The following OR1A1 variants were observed in gnomAD, a reference collection of about 807,000 sequenced individuals.
OR1A1 encodes olfactory receptor 1A1.
For synonymous variants in OR1A1, 145 were observed against 147.8 expected (o/e 0.98, Z 0.13); for missense variants, 391 against 379.9 (o/e 1.03, Z -0.24).
rs1420875486 is a variant in OR1A1 at position 3,216,346 on chromosome 17, C to T, written c.726C>T (p.Ser242=). The change falls in exon 4 of 4, where the codon TCC becomes TCT. Residue 242 remains serine, a synonymous_variant. Transcript: ENST00000641732. ...GVLKAFSTCG[S]HLTVVSLYYG... is the part of the protein sequence containing the mutation. ...TCAAGGCCTTCTCCACCTGTGGTTC[C>T]CACCTCACGGTTGTCTCTTTGTATT... is the stretch of plus-strand genomic sequence containing the variant. The T allele has an allele frequency of 6.2e-7, 1 of 1,614,230 alleles. No individual in the cohort carries two copies. The highest frequency in any genetic ancestry group is 8.5e-7 in the Non-Finnish European group (1 of 1,180,050).
intron 3 of OR1A1, chr17:3,212,844 G>C (rs996032726): frequency 1.3e-5 from 2 of 152,348 alleles, no homozygotes; most frequent in African/African-American, 4.8e-5. Context: ...GAGGGTTCTT[G>C]GAGAAATGGG....
chr17:3,210,095 G>A (rs575400408), intron 2 of OR1A1, among the ~76,000 whole-genome samples: 1 of 151,822 alleles, frequency 6.6e-6, no homozygotes, highest in African/African-American at 2.4e-5. Context: ...CTATGCCTCC[G>A]TGGGTAGACC....
At position 3,216,356 on chromosome 17, in the gene OR1A1, G is replaced by T; in HGVS notation, c.736G>T (p.Val246Phe). The T allele has an allele frequency of 6.2e-7, 1 of 1,614,120 alleles. No individual in the cohort carries two copies. The highest frequency in any genetic ancestry group is 8.5e-7 in the Non-Finnish European group (1 of 1,180,032). ...CTCCACCTGTGGTTCCCACCTCACGGTTGTCTCTTTGTATTATGGTACAGT... is the reference window on the plus strand; with the variant it reads ...CTCCACCTGTGGTTCCCACCTCACGTTTGTCTCTTTGTATTATGGTACAGT... ...AFSTCGSHLT[V>F]VSLYYGTVMG... Residue 246 changes from valine to phenylalanine, a missense_variant, in exon 4 of 4, where the codon GTT (valine) becomes TTT (phenylalanine). Val to Phe is a conservative substitution (Grantham distance 50, BLOSUM62 -1). Transcript: ENST00000641732.
intron 2 of OR1A1, among the ~76,000 whole-genome samples, chr17:3,209,755 G>A (rs2048432467): frequency 6.6e-6 from 1 of 152,144 alleles, no homozygotes; most frequent in Admixed American, 6.5e-5. Flanking sequence ...GGGCAACAGA[G>A]TGAGACCTTG....
intron 2 of OR1A1, among the ~76,000 whole-genome samples, chr17:3,211,422 C>T (rs2048441205): frequency 6.6e-6 from 1 of 151,982 alleles, no homozygotes; most frequent in African/African-American, 2.4e-5. Context: ...GCAACCTCTG[C>T]CCCCGCAGTT....
rs1438276211 is a variant in OR1A1, at chr17:3,218,092, T to C, written c.*1542T>C. On this transcript the variant is annotated 3_prime_UTR_variant, in exon 4 of 4. Transcript: ENST00000641732. ...AATTTACAGGAAAAAAACCACCCCA[T>C]GAAAAAGTGGGCGAAGGATATGAAC... The C allele has an allele frequency of 1.3e-5, 2 of 151,768 alleles. No individual in the cohort carries two copies. Among genetic ancestry groups the C allele is most frequent in the Non-Finnish European group, 2.9e-5 (2 of 67,960 alleles). The allele number at this position is 151,768 out of a possible 1,614,324, so 9.4% of individuals were successfully genotyped here.
chr17:3,209,541 T>C (rs567437629), intron 2 of OR1A1, among the ~76,000 whole-genome samples: 64 of 152,320 alleles, frequency 4.2e-4, no homozygotes, highest in African/African-American at 1.4e-3. Flanking sequence ...CATATCTTTA[T>C]GGGGTAACAT....
rs1182689089 is a variant in OR1A1 at position 3,207,967 on chromosome 17, G to C, written c.-590G>C. ...TGTATCACAGCAACATCAAAGGGTAGACAGCCAGCAACTGTAGGCTACTTG... is the reference window on the plus strand; with the variant it reads ...TGTATCACAGCAACATCAAAGGGTACACAGCCAGCAACTGTAGGCTACTTG... On this transcript the variant is annotated 5_prime_UTR_variant, in exon 1 of 4. Coordinates refer to ENST00000641732, the MANE Select transcript of OR1A1 (RefSeq NM_014565.3). 1 of 152,262 alleles carries C rather than the reference G, an allele frequency of 6.6e-6. No homozygotes were observed. Among genetic ancestry groups the C allele is most frequent in the African/African-American group, 2.4e-5 (1 of 41,452 alleles). 9.4% of individuals were successfully genotyped at this position (152,262 alleles called of 1,614,324 possible). A position where few individuals can be genotyped will look rare whatever the true frequency, so the allele number is the denominator to read the frequency against.
At chr17:3,213,590 T>C (rs2048453168) in intron 3 of OR1A1, 1 of 152,262 alleles carries the variant, frequency 6.6e-6, no homozygotes, top group African/African-American at 2.4e-5. Context: ...AGTAAAGGTT[T>C]ATTTCTCTCC....
At chr17:3,211,587 C>T (rs955728799) in intron 2 of OR1A1, among the ~76,000 whole-genome samples, 5 of 152,148 alleles carry the variant, frequency 3.3e-5, no homozygotes, top group Admixed American at 6.5e-5. Flanking sequence ...CCGCCTGCTT[C>T]GGCCTCCCAA....
intron 3 of OR1A1, chr17:3,213,390 T>C (rs1331125872): frequency 6.6e-6 from 1 of 152,228 alleles, no homozygotes; most frequent in Non-Finnish European, 1.5e-5. Context: ...TAAAGATGAT[T>C]AGACCTACAT....
chr17:3,211,130 G>C lies in OR1A1; in HGVS notation c.-138-1337G>C, dbSNP rs144489518. On this transcript the variant is annotated intron_variant, in intron 2 of 3. Coordinates refer to ENST00000641732, the MANE Select transcript of OR1A1 (RefSeq NM_014565.3). The stretch of plus-strand genomic sequence containing the variant: ...CTTGCCTGTTTCTAAACCACCTCAT[G>C]TCACACACCACTTTCTAAGAAATGC... 9.2e-5 allele frequency among the ~76,000 whole-genome samples: 14 copies of C among 152,266 alleles called. No homozygotes were observed. In the East Asian group the frequency reaches 2.5e-3, roughly 27 times the overall value.
At chr17:3,213,280 G>T (rs35865038) in intron 3 of OR1A1, 1 of 151,966 alleles carries the variant, frequency 6.6e-6, no homozygotes, top group Non-Finnish European at 1.5e-5. Flanking sequence ...GTAATTTATT[G>T]GGCTGCTTTT....
At chr17:3,209,513 T>C (rs1373577730) in intron 2 of OR1A1, among the ~76,000 whole-genome samples, 1 of 152,198 alleles carries the variant, frequency 6.6e-6, no homozygotes, top group Non-Finnish European at 1.5e-5. Flanking sequence ...TGTGGGTACA[T>C]AGTACAATTC....
intron 3 of OR1A1, chr17:3,214,990 A>G (rs1283671513): frequency 6.6e-6 from 1 of 152,308 alleles, no homozygotes; most frequent in Non-Finnish European, 1.5e-5. Context: ...TGTGATTTAC[A>G]ATCTTCCGAC....
rs1312621102 is a variant in OR1A1, at chr17:3,216,818, T to A, written c.*268T>A. On this transcript the variant is annotated 3_prime_UTR_variant, in exon 4 of 4. Coordinates refer to ENST00000641732, the MANE Select transcript of OR1A1 (RefSeq NM_014565.3). ...TGAGCAGAGTCAAGTTGGGAAGATC[T>A]GAGCCTCAGCTTTCACATCTACATG... 5.7e-6 allele frequency: 2 copies of A among 351,826 alleles called. No individual in the cohort carries two copies. The highest frequency in any genetic ancestry group is 8.8e-5 in the East Asian group (2 of 22,694). The allele number at this position is 351,826 out of a possible 1,614,324, so 21.8% of individuals were successfully genotyped here.
chr17:3,213,598 T>G (rs769183501), intron 3 of OR1A1: 1 of 152,252 alleles, frequency 6.6e-6, no homozygotes. Flanking sequence ...TTTATTTCTC[T>G]CCTACATAAT....
chr17:3,213,864 A>G (rs2048454205), intron 3 of OR1A1: 1 of 152,270 alleles, frequency 6.6e-6, no homozygotes, highest in African/African-American at 2.4e-5. Flanking sequence ...CAAGAAGAAG[A>G]GAACAACACG....
chr17:3,211,386 G>C (rs1285089543), intron 2 of OR1A1, among the ~76,000 whole-genome samples: 1 of 151,542 alleles, frequency 6.6e-6, no homozygotes, highest in Non-Finnish European at 1.5e-5. Context: ...CCAGGCTGGA[G>C]TGCAGTGGTA....
Sources: gnomAD v4.1 joint callset for allele counts (sites outside exome capture counted in the v4.1 genomes callset) on GRCh38, gnomAD v4.1.1 for gene constraint, MANE v1.5 for transcripts, NCBI Gene and HGNC (gene_info 2026-07-23, HGNC 2026-07-21) for gene names.